The following GNB3 variants were observed in gnomAD, a reference collection of about 807,000 sequenced individuals.
GNB3 encodes guanine nucleotide-binding protein G(I)/G(S)/G(T) subunit beta-3.
GNB3 carries 33 observed loss-of-function variants against 41.2 expected under a neutral mutation model. The observed-to-expected ratio is 0.80, with a 90% CI of 0.61 to 1.07. The LOEUF is 1.07. Among genes scored for constraint, GNB3 ranks in the 50% least tolerant of loss-of-function variants. GNB3 has a pLI of 0.00. For missense variants in GNB3, 409 were observed against 455.3 expected, an observed-to-expected ratio of 0.90 and a Z score of 0.92; for synonymous variants, 172 against 173.4, an observed-to-expected ratio of 0.99 and a Z score of 0.06.
intron 3 of GNB3, among the ~76,000 whole-genome samples, chr12:6,842,740 A>G (rs1943595757): frequency 6.6e-6 from 1 of 152,136 alleles, no homozygotes; most frequent in African/African-American, 2.4e-5. Context: ...TTCCTCACCA[A>G]CACTGGAGAG....
rs782496892 is a variant in GNB3, at chr12:6,843,269, CTGCA to C, written c.267+34_267+37del. Reference sequence around the variant, plus strand: ...GCCCTGCCTCCCTGAGCCTCCACCACTGCATCCTTCCTAAGGGCGCCATGCCTAC... The same window carrying C: ...GCCCTGCCTCCCTGAGCCTCCACCACTCCTTCCTAAGGGCGCCATGCCTAC... On this transcript the variant is annotated intron_variant, in intron 5 of 9. Transcript: ENST00000229264. This position sits in a 1 kb window ranked among gnomAD's most constrained non-coding sequence, Gnocchi z 5.9. 8 of 1,610,644 alleles carry C rather than the reference CTGCA, an allele frequency of 5.0e-6. No homozygotes were observed. The highest frequency in any genetic ancestry group is 4.2e-6 in the Non-Finnish European group (5 of 1,176,948).
chr12:6,847,114 T>G lies in GNB3; in HGVS notation c.*216T>G. On this transcript the variant is annotated 3_prime_UTR_variant, in exon 10 of 10. Transcript: ENST00000229264. The stretch of plus-strand genomic sequence containing the variant: ...CCCCATCTCCTCCCATGGCCTTCCC[T>G]CCCCACAGTCCTCACAGCCTCTCCC... 1 of 542,776 alleles carries G rather than the reference T, an allele frequency of 1.8e-6. No individual in the cohort carries two copies. The highest frequency in any genetic ancestry group is 2.2e-5 in the South Asian group (1 of 45,178). The allele number at this position is 542,776 out of a possible 1,614,324, so 33.6% of individuals were successfully genotyped here.
Position 6,843,275 on chromosome 12 carries a change from C to A in GNB3, c.267+38C>A. ...CCTCCCTGAGCCTCCACCACTGCAT[C>A]CTTCCTAAGGGCGCCATGCCTACCC... On this transcript the variant is annotated intron_variant, in intron 5 of 9. Coordinates refer to ENST00000229264, the MANE Select transcript of GNB3 (RefSeq NM_002075.4). This position sits in a 1 kb window ranked among gnomAD's most constrained non-coding sequence, Gnocchi z 5.9. The A allele has an allele frequency of 6.2e-7, 1 of 1,610,826 alleles. No homozygotes were observed. The highest frequency in any genetic ancestry group is 1.1e-5 in the South Asian group (1 of 91,016).
chr12:6,846,182 C>T (rs782152091), intron 9 of GNB3: 1 of 248,560 alleles, frequency 4.0e-6, no homozygotes, highest in East Asian at 1.0e-4. Context: ...AGGGCCCTGA[C>T]TGCAGCCTAG....
rs368956669 is a variant in GNB3, at chr12:6,842,975, G to A, written c.102G>A (p.Val34=). 19 of 1,535,856 alleles carry A rather than the reference G, an allele frequency of 1.2e-5. No homozygotes were observed. The highest frequency in any genetic ancestry group is 1.6e-5 in the Non-Finnish European group (18 of 1,137,184). Reference sequence around the variant, plus strand: ...CAGTGCCCCTCTCTCTGCAGCTGGTGTCTGGCCTAGAGGTGGTGGGACGAG... The same window carrying A: ...CAGTGCCCCTCTCTCTGCAGCTGGTATCTGGCCTAGAGGTGGTGGGACGAG... ...ACADVTLAEL[V]SGLEVVGRVQ... Residue 34 remains valine (V), a synonymous_variant, in exon 4 of 10, where the codon GTG becomes GTA. Coordinates refer to ENST00000229264, the MANE Select transcript of GNB3 (RefSeq NM_002075.4).
At chr12:6,841,442 A>G (rs1422643021) in intron 2 of GNB3, 98 bp downstream of exon 2, 6 of 1,213,284 alleles carry the variant, frequency 4.9e-6, no homozygotes, top group Non-Finnish European at 7.2e-6. Flanking sequence ...TTGAGTGACT[A>G]GAAGTGACCA....
intron 9 of GNB3, chr12:6,846,557 C>T (rs1555124753): frequency 2.3e-6 from 1 of 433,082 alleles, no homozygotes; most frequent in Non-Finnish European, 4.2e-6. Context: ...TCTTAGCCTT[C>T]TTCAGGGGTT....
In GNB3 at chr12:6,847,160, G is replaced by T. The variant is rs1254033867; in HGVS notation, c.*262G>T. On this transcript the variant is annotated 3_prime_UTR_variant, in exon 10 of 10. Transcript: ENST00000229264. ...CTCCCTTAATGAGCAAGGACAACCTGCCCCTCCCCAGCCCTTTGCAGGCCC... is the reference window on the plus strand; with the variant it reads ...CTCCCTTAATGAGCAAGGACAACCTTCCCCTCCCCAGCCCTTTGCAGGCCC... The T allele has an allele frequency of 6.8e-6, 3 of 440,654 alleles. No individual in the cohort carries two copies. Among genetic ancestry groups the T allele is most frequent in the African/African-American group, 3.9e-5 (2 of 50,838 alleles). The allele number at this position is 440,654 out of a possible 1,614,324, so 27.3% of individuals were successfully genotyped here. A position where few individuals can be genotyped will look rare whatever the true frequency, so the allele number is the denominator to read the frequency against.
Position 6,844,091 on chromosome 12 carries a change from G to GTT in GNB3, c.699+114_699+115insTT, listed in dbSNP as rs1432718669. The GTT allele has an allele frequency of 7.7e-5, 20 of 258,806 alleles. 1 individual carries two copies. The highest frequency in any genetic ancestry group is 1.7e-4 in the African/African-American group (4 of 23,438). 16.0% of individuals were successfully genotyped at this position (258,806 alleles called of 1,614,324 possible). On this transcript the variant is annotated intron_variant, in intron 8 of 9. Transcript: ENST00000229264. ...ATAGCTTCCCTAGCCCTTTCTTACT[G>GTT]TATTTTTTTTTTTTTTTTTTTTTTT...
intron 8 of GNB3, 84 bp from the exon 9 acceptor site, chr12:6,845,502 G>A: frequency 4.5e-6 from 4 of 887,496 alleles, no homozygotes; most frequent in Non-Finnish European, 7.2e-6. Context: ...TTGCCCTGGA[G>A]CTGTCAGGTG....
Position 6,843,594 on chromosome 12 carries a change from C to T in GNB3, c.431-38C>T. On this transcript the variant is annotated intron_variant, in intron 6 of 9. Coordinates refer to ENST00000229264, the MANE Select transcript of GNB3 (RefSeq NM_002075.4). The surrounding 1 kb of genome is among the most constrained non-coding windows in gnomAD (Gnocchi z 5.9). ...ACCCTGGGCTTCCAGTGGGCTGTGG[C>T]TCTGCAGCCAGGGCACTGTCCTTCT... 6.2e-7 allele frequency: 1 copy of T among 1,612,060 alleles called. No homozygotes were observed. The highest frequency in any genetic ancestry group is 1.1e-5 in the South Asian group (1 of 91,040).
Position 6,841,609 on chromosome 12 carries a change from C to T in GNB3, c.81C>T (p.Asp27=), listed in dbSNP as rs145085793. Residue 27 remains aspartate, a synonymous_variant, in exon 3 of 10, where the codon GAC becomes GAT. Coordinates refer to ENST00000229264, the MANE Select transcript of GNB3 (RefSeq NM_002075.4). ...QIADARKACA[D]VTLAELVSGL... The stretch of plus-strand genomic sequence containing the variant: ...AGGATGCCAGGAAAGCCTGTGCTGA[C>T]GTTACTCTGGCAGAGGTAAGACCCC... 3.3e-4 allele frequency: 530 copies of T among 1,613,492 alleles called. 1 individual carries two copies. The African/African-American group carries it at 5.9e-3, about 18-fold the overall frequency.
Position 6,841,473 on chromosome 12 carries a change from C to T in GNB3, c.58-113C>T, listed in dbSNP as rs781984234. Reference sequence around the variant, plus strand: ...GACCAGGGACTTTCTAAACTTGGTTCGCATATTTGAGACCCCCAAGCCCCA... The same window carrying T: ...GACCAGGGACTTTCTAAACTTGGTTTGCATATTTGAGACCCCCAAGCCCCA... On this transcript the variant is annotated intron_variant, in intron 2 of 9. Transcript: ENST00000229264. 1.9e-5 allele frequency: 22 copies of T among 1,186,170 alleles called. 1 individual carries two copies. Among genetic ancestry groups the T allele is most frequent in the East Asian group, 1.2e-4 (5 of 40,076 alleles). 73.5% of individuals were successfully genotyped at this position (1,186,170 alleles called of 1,614,324 possible).
chr12:6,841,413 GA>G, intron 2 of GNB3, 69 bp downstream of exon 2: 1 of 1,424,444 alleles, frequency 7.0e-7, no homozygotes, highest in Non-Finnish European at 9.8e-7. Flanking sequence ...GGCCCAGGGG[GA>G]GGGGGCTGGG....
intron 2 of GNB3, 100 bp from the exon 3 acceptor site, chr12:6,841,486 C>A (rs1287303369): frequency 3.4e-6 from 4 of 1,190,796 alleles, no homozygotes; most frequent in Non-Finnish European, 4.9e-6. Context: ...ATATTTGAGA[C>A]CCCCAAGCCC....
At chr12:6,842,375 C>A (rs1282626122) in intron 3 of GNB3, among the ~76,000 whole-genome samples, 1 of 152,066 alleles carries the variant, frequency 6.6e-6, no homozygotes, top group African/African-American at 2.4e-5. Context: ...ATAGTGAGAT[C>A]TCTTCTTAAT....
chr12:6,843,460 C>T lies in GNB3; in HGVS notation c.365C>T (p.Ser122Phe). ...TGTGGGGGGCTGGACAACATGTGTT[C>T]CATCTACAACCTCAAATCCCGTGAG... ...VACGGLDNMC[S>F]IYNLKSREGN... Residue 122 changes from serine to phenylalanine, a missense_variant, in exon 6 of 10, where the codon TCC becomes TTC. Coordinates refer to ENST00000229264, the MANE Select transcript of GNB3 (RefSeq NM_002075.4). The surrounding 1 kb of genome is among the most constrained non-coding windows in gnomAD (Gnocchi z 5.9). 6.2e-7 allele frequency: 1 copy of T among 1,614,078 alleles called. No homozygotes were observed. The highest frequency in any genetic ancestry group is 8.5e-7 in the Non-Finnish European group (1 of 1,179,928).
intron 8 of GNB3, 31 bp from the exon 9 acceptor site, chr12:6,845,555 T>C: frequency 6.6e-7 from 1 of 1,526,268 alleles, no homozygotes; most frequent in Non-Finnish European, 9.0e-7. Flanking sequence ...CCAGGTCTGA[T>C]CCCTGACCCA....
chr12:6,846,704 C>T, intron 9 of GNB3, 88 bp from the exon 10 acceptor site: 1 of 724,762 alleles, frequency 1.4e-6, no homozygotes, highest in South Asian at 1.6e-5. Flanking sequence ...CACACACCCA[C>T]ACACCCACAC....
Sources: allele counts gnomAD v4.1 joint callset (sites outside exome capture counted in the v4.1 genomes callset), GRCh38; gene constraint gnomAD v4.1.1; non-coding constraint Gnocchi (gnomAD v3.1); transcripts MANE v1.5; gene names NCBI Gene and HGNC (gene_info 2026-07-23, HGNC 2026-07-21).